The following FAM13C variants were observed in gnomAD, a reference collection of about 807,000 sequenced individuals.
FAM13C encodes the protein family with sequence similarity 13 member C, also known as protein FAM13C.
Under a neutral mutation model 73.2 loss-of-function variants are expected in FAM13C, and 37 were observed. The ratio of observed to expected loss-of-function variants is 0.51; its 90% CI spans 0.39 to 0.67. The LOEUF is 0.67. Among genes scored for constraint, FAM13C ranks in the 30% least tolerant of loss-of-function variants. The pLI is 0.00. For synonymous variants in FAM13C, 246 were observed against 260.9 expected (o/e 0.94, Z 0.55); for missense variants, 589 against 715.6 (o/e 0.82, Z 2.02).
chr10:59,296,916 G>A (rs1426573775), intron 5 of FAM13C: 2 of 152,200 alleles, frequency 1.3e-5, no homozygotes, highest in Non-Finnish European at 2.9e-5. Flanking sequence ...AGAATGCCCT[G>A]TAGGGTCAAT....
intron 2 of FAM13C, among the ~76,000 whole-genome samples, chr10:59,353,414 A>G (rs1182944970): frequency 1.3e-5 from 2 of 152,130 alleles, no homozygotes; most frequent in Non-Finnish European, 2.9e-5. Flanking sequence ...ATCTACCACA[A>G]TCACTGTCAC....
At position 59,319,072 on chromosome 10, in the gene FAM13C, A is replaced by AACACACAC. The variant is rs59965630; in HGVS notation, c.443+4908_443+4915dup. Among the ~76,000 whole-genome samples the AACACACAC allele has an allele frequency of 6.8e-4, 92 of 134,654 alleles. 1 individual carries two copies. The highest frequency in any genetic ancestry group is 1.8e-3 in the South Asian group (7 of 3,980). The allele number at this position is 134,654 out of a possible 152,430, so 88.3% of individuals were successfully genotyped here. A position where few individuals can be genotyped will look rare whatever the true frequency, so the allele number is the denominator to read the frequency against. ...TAAGTAAGAAACAATTAGCTATTCA[A>AACACACAC]ACACACACACACACACACACACACA... On this transcript the variant is annotated intron_variant, in intron 4 of 13. Transcript: ENST00000618804.
chr10:59,279,918 A>G, intron 6 of FAM13C, among the ~76,000 whole-genome samples: 1 of 152,276 alleles, frequency 6.6e-6, no homozygotes, highest in East Asian at 1.9e-4. Context: ...AGCCTGGTCA[A>G]CTTCTGATAA....
At position 59,352,397 on chromosome 10, in the gene FAM13C, T is replaced by G. The variant is rs759377553; in HGVS notation, c.197A>C (p.Gln66Pro). The change falls in exon 3 of 14, where the codon CAG becomes CCG. Residue 66 changes from glutamine to proline, a missense_variant. Coordinates refer to ENST00000618804, the MANE Select transcript of FAM13C (RefSeq NM_198215.4). Reference sequence around the variant, plus strand: ...CACGGTCGCCTCTACATTCTGCTGCTGCGGCTCCCAAGAGGGCGGCGCGTG... The same window carrying G: ...CACGGTCGCCTCTACATTCTGCTGCGGCGGCTCCCAAGAGGGCGGCGCGTG... ...EEHAPPSWEP[Q>P]QQNVEATVLV... is the part of the protein sequence containing the mutation. 6.2e-7 allele frequency: 1 copy of G among 1,614,072 alleles called. No homozygotes were observed. The highest frequency in any genetic ancestry group is 8.5e-7 in the Non-Finnish European group (1 of 1,180,014).
chr10:59,255,379 A>G (rs949900073), intron 10 of FAM13C, among the ~76,000 whole-genome samples: 3 of 152,166 alleles, frequency 2.0e-5, no homozygotes, highest in African/African-American at 7.2e-5. Flanking sequence ...TTTTCAATGG[A>G]TCACACTGTG....
intron 3 of FAM13C, among the ~76,000 whole-genome samples, chr10:59,341,205 C>T (rs947352494): frequency 3.9e-5 from 6 of 152,166 alleles, no homozygotes; most frequent in African/African-American, 7.2e-5. Context: ...TACCTTTAAA[C>T]CTTCACGGTC....
chr10:59,361,671 A>G (rs1294410856), intron 1 of FAM13C, among the ~76,000 whole-genome samples: 1 of 152,168 alleles, frequency 6.6e-6, no homozygotes, highest in African/African-American at 2.4e-5. Flanking sequence ...TTAATTTTTA[A>G]CAAATATAGT....
intron 3 of FAM13C, among the ~76,000 whole-genome samples, chr10:59,331,407 T>C (rs1851952138): frequency 6.6e-6 from 1 of 152,138 alleles, no homozygotes; most frequent in Non-Finnish European, 1.5e-5. Flanking sequence ...GAACTCCGGA[T>C]GGGTGACTAT....
At chr10:59,333,444 C>T (rs952122309) in intron 3 of FAM13C, among the ~76,000 whole-genome samples, 6 of 152,118 alleles carry the variant, frequency 3.9e-5, no homozygotes, top group African/African-American at 1.4e-4. Context: ...GCCAAAATCA[C>T]TCCACTGCAC....
At chr10:59,345,193 C>G (rs1854140832) in intron 3 of FAM13C, among the ~76,000 whole-genome samples, 1 of 152,178 alleles carries the variant, frequency 6.6e-6, no homozygotes, top group African/African-American at 2.4e-5. Flanking sequence ...TCCTCCATTG[C>G]TATACTCAAC....
chr10:59,359,013 T>C (rs1856059359), intron 1 of FAM13C, among the ~76,000 whole-genome samples: 1 of 152,232 alleles, frequency 6.6e-6, no homozygotes, highest in Non-Finnish European at 1.5e-5. Flanking sequence ...AAATCATTTC[T>C]GTCCTTTCCC....
intron 12 of FAM13C, among the ~76,000 whole-genome samples, chr10:59,252,214 G>A (rs16913341): frequency 0.02 from 3,098 of 152,244 alleles, 122 homozygotes; most frequent in African/African-American, 0.071. Context: ...ATACTCTAGA[G>A]CAGGAATCTG....
Position 59,296,315 on chromosome 10 carries a change from G to A in FAM13C, c.507+6486C>T, listed in dbSNP as rs369901428. On this transcript the variant is annotated intron_variant, in intron 5 of 13. Transcript: ENST00000618804. ...ACAGAGGCATAGACACATGCATACC[G>A]ACTCAAAGAGGGACACTGCATGTGT... Among the ~76,000 whole-genome samples, 100 of 152,220 alleles carry A rather than the reference G, an allele frequency of 6.6e-4. 1 individual carries two copies. Among genetic ancestry groups the A allele is most frequent in the African/African-American group, 1.7e-3 (69 of 41,542 alleles).
chr10:59,298,743 G>A (rs1403394354), intron 5 of FAM13C, among the ~76,000 whole-genome samples: 1 of 152,212 alleles, frequency 6.6e-6, no homozygotes, highest in Non-Finnish European at 1.5e-5. Context: ...GGTTGGCCAG[G>A]AGGAGGCCTT....
chr10:59,306,895 A>G (rs1024542173), intron 4 of FAM13C, among the ~76,000 whole-genome samples: 2 of 152,178 alleles, frequency 1.3e-5, no homozygotes, highest in African/African-American at 4.8e-5. Context: ...ACAAAAAAGA[A>G]TAATGGTGGT....
chr10:59,285,432 T>C (rs965241316), intron 5 of FAM13C, among the ~76,000 whole-genome samples: 1 of 152,048 alleles, frequency 6.6e-6, no homozygotes, highest in Non-Finnish European at 1.5e-5. Context: ...CTGAAGGACA[T>C]TGGAAATCAG....
At chr10:59,277,590 C>T (rs555508260) in intron 6 of FAM13C, among the ~76,000 whole-genome samples, 5 of 152,186 alleles carry the variant, frequency 3.3e-5, no homozygotes, top group South Asian at 2.1e-4. Context: ...GAGATGGATT[C>T]GATCAGAGGA....
In FAM13C at chr10:59,354,995, C is replaced by CAAG. The variant is rs1855530060; in HGVS notation, c.119+891_119+892insCTT. On this transcript the variant is annotated intron_variant, in intron 2 of 13. Coordinates refer to ENST00000618804, the MANE Select transcript of FAM13C (RefSeq NM_198215.4). ...TCTTTTTCTTAGCCTTGGACCTCAC[C>CAAG]AATAATAATAATAATAATAATAATT... Among the ~76,000 whole-genome samples the CAAG allele has an allele frequency of 4.0e-5, 6 of 149,834 alleles. No individual in the cohort carries two copies. The South Asian group carries it at 1.3e-3, about 32-fold the overall frequency.
intron 1 of FAM13C, 77 bp downstream of exon 1, chr10:59,362,322 C>T: frequency 6.4e-7 from 1 of 1,554,936 alleles, no homozygotes. Context: ...CGGCTGGGAA[C>T]GGTGGAGGAT....
Sources: allele counts gnomAD v4.1 joint callset (sites outside exome capture counted in the v4.1 genomes callset), GRCh38; gene constraint gnomAD v4.1.1; transcripts MANE v1.5; gene names NCBI Gene and HGNC (gene_info 2026-07-23, HGNC 2026-07-21).